Variants in CTNNA2 observed in about 807,000 individuals in gnomAD.
CTNNA2 encodes catenin alpha 2, also known as catenin alpha-2.
CTNNA2 carries 42 observed loss-of-function variants against 101.0 expected under a neutral mutation model. That is an observed-to-expected ratio of 0.42 (90% confidence interval 0.32 to 0.54). CTNNA2 has a LOEUF of 0.54. Ranked by LOEUF, CTNNA2 falls within the 20% of genes least tolerant of loss-of-function variation. The pLI, the probability that CTNNA2 is intolerant of heterozygous loss-of-function variation, is 0.14. For missense variants in CTNNA2, 871 were observed against 1,223.1 expected, an observed-to-expected ratio of 0.71 and a Z score of 4.29; for synonymous variants, 450 against 456.4, an observed-to-expected ratio of 0.99 and a Z score of 0.18.
chr2:80,329,202 T>A (rs1671096523), intron 7 of CTNNA2, among the ~76,000 whole-genome samples: 1 of 152,220 alleles, frequency 6.6e-6, no homozygotes, highest in Non-Finnish European at 1.5e-5. Context: ...TTTATTTGAT[T>A]GGTATTTGCT....
chr2:80,619,161 T>A lies in CTNNA2; in HGVS notation c.2507T>A (p.Leu836His). The change falls in exon 18 of 19, where the codon CTT (leucine) becomes CAT (histidine). Residue 836 changes from leucine to histidine, a missense_variant. By Grantham distance (99) the Leu-to-His change is moderately conservative. Coordinates refer to ENST00000402739, the MANE Select transcript of CTNNA2 (RefSeq NM_001282597.3). ...ATAGATGGGGGCAGGGCTAGTCAAC[T>A]TTCTACCCACCTCCCAACCTGTGCT... ...DVIDGGRASQ[L>H]STHLPTCAEG... The A allele has an allele frequency of 6.3e-7, 1 of 1,576,774 alleles. No individual in the cohort carries two copies. Among genetic ancestry groups the A allele is most frequent in the Non-Finnish European group, 8.6e-7 (1 of 1,160,490 alleles).
At position 79,613,580 on chromosome 2, in the gene CTNNA2, C is replaced by T. The variant is rs181404796; in HGVS notation, c.-5-37972C>T. Among the ~76,000 whole-genome samples the T allele has an allele frequency of 2.0e-3, 305 of 152,068 alleles. 3 individuals are homozygous for T. Among genetic ancestry groups the T allele is most frequent in the African/African-American group, 6.9e-3 (285 of 41,468 alleles). On this transcript the variant is annotated intron_variant, in intron 1 of 18. Transcript: ENST00000402739. ...TTCAACTACTTTAGATAATTGAAGA[C>T]GAAATGATAGAGAAGGATAGACTAT...
rs761867984 is a variant in CTNNA2 at position 80,282,390 on chromosome 2, A to G, written c.1057-110821A>G. ...TTGATGGCCCTTGGCAAAAAATATGACAATGTAGGCCTCTCAAGTGAAATG... is the reference window on the plus strand; with the variant it reads ...TTGATGGCCCTTGGCAAAAAATATGGCAATGTAGGCCTCTCAAGTGAAATG... On this transcript the variant is annotated intron_variant, in intron 7 of 18. Coordinates refer to ENST00000402739, the MANE Select transcript of CTNNA2 (RefSeq NM_001282597.3). Among the ~76,000 whole-genome samples the G allele has an allele frequency of 4.9e-4, 74 of 152,206 alleles. 1 individual carries two copies. Among genetic ancestry groups the G allele is most frequent in the Middle Eastern group, 3.4e-3 (1 of 292 alleles).
At chr2:79,997,030 C>T (rs568152879) in intron 7 of CTNNA2, among the ~76,000 whole-genome samples, 30 of 152,010 alleles carry the variant, frequency 2.0e-4, no homozygotes, top group South Asian at 4.2e-4. Context: ...GGTCAAAATC[C>T]GCCCAGCAAA....
chr2:80,266,188 A>T lies in CTNNA2; in HGVS notation c.1057-127023A>T, dbSNP rs538410312. 9.2e-5 allele frequency among the ~76,000 whole-genome samples: 14 copies of T among 152,312 alleles called. No homozygotes were observed. The South Asian group carries it at 2.7e-3, about 29-fold the overall frequency. Reference sequence around the variant, plus strand: ...CCTTAAGAGTAGAGTCTGTCCTGGGAGTAGACTAGGTAATTCCCCAAACGT... The same window carrying T: ...CCTTAAGAGTAGAGTCTGTCCTGGGTGTAGACTAGGTAATTCCCCAAACGT... On this transcript the variant is annotated intron_variant, in intron 7 of 18. Transcript: ENST00000402739.
chr2:80,172,077 C>A lies in CTNNA2; in HGVS notation c.1057-221134C>A, dbSNP rs2148964246. Among the ~76,000 whole-genome samples, 2 of 152,264 alleles carry A rather than the reference C, an allele frequency of 1.3e-5. 1 individual carries two copies. The highest frequency in any genetic ancestry group is 4.1e-4 in the South Asian group (2 of 4,824). On this transcript the variant is annotated intron_variant, in intron 7 of 18. Coordinates refer to ENST00000402739, the MANE Select transcript of CTNNA2 (RefSeq NM_001282597.3). ...AGGCAAGCCTAGCAGGATCAGACCC[C>A]ACAAAGATCATGACAGGGAGCGGTT...
chr2:80,114,632 G>A (rs1409671448), intron 7 of CTNNA2, among the ~76,000 whole-genome samples: 1 of 152,214 alleles, frequency 6.6e-6, no homozygotes. Flanking sequence ...AGGGAAGAGG[G>A]CACTCACATA....
At chr2:79,455,373 G>A (rs757777888) in intron 4 of CTNNA2, among the ~76,000 whole-genome samples, 10 of 152,088 alleles carry the variant, frequency 6.6e-5, no homozygotes, top group Non-Finnish European at 1.5e-4. Flanking sequence ...TAAGGTCATC[G>A]CAGTTATGCC....
intron 4 of CTNNA2, among the ~76,000 whole-genome samples, chr2:79,415,730 G>T (rs1303246699): frequency 6.6e-6 from 1 of 152,148 alleles, no homozygotes; most frequent in Middle Eastern, 3.4e-3. Context: ...GTATCTGGAA[G>T]CAAAACTGTG....
intron 4 of CTNNA2, among the ~76,000 whole-genome samples, chr2:79,488,079 G>A (rs1459465010): frequency 6.6e-6 from 1 of 151,904 alleles, no homozygotes; most frequent in Non-Finnish European, 1.5e-5. Flanking sequence ...ACTTTGGGAG[G>A]CCCAGCAATC....
At chr2:79,626,709 C>A (rs1441755419) in intron 1 of CTNNA2, among the ~76,000 whole-genome samples, 2 of 149,904 alleles carry the variant, frequency 1.3e-5, no homozygotes, top group Non-Finnish European at 3.0e-5. Flanking sequence ...ATCTGGAAAG[C>A]TAAACAGGGC....
At chr2:79,337,802 A>T (rs1057106925) in intron 3 of CTNNA2, among the ~76,000 whole-genome samples, 1 of 149,122 alleles carries the variant, frequency 6.7e-6, no homozygotes, top group African/African-American at 2.5e-5. Context: ...GGAGAAAAAC[A>T]AAAAAAAAAG....
At chr2:80,490,286 C>CT (rs1553535568) in intron 9 of CTNNA2, among the ~76,000 whole-genome samples, 3 of 88,930 alleles carry the variant, frequency 3.4e-5, no homozygotes, top group South Asian at 4.7e-4. Context: ...CCCCACCCCC[C>CT]CCCCGGTAAA....
At chr2:80,622,671 C>T (rs1007734545) in intron 18 of CTNNA2, among the ~76,000 whole-genome samples, 1 of 151,850 alleles carries the variant, frequency 6.6e-6, no homozygotes, top group African/African-American at 2.4e-5. Flanking sequence ...TTGAAAGCCT[C>T]TCTGTTGCTG....
At chr2:80,179,731 C>T (rs1310094782) in intron 7 of CTNNA2, among the ~76,000 whole-genome samples, 1 of 152,156 alleles carries the variant, frequency 6.6e-6, no homozygotes, top group Non-Finnish European at 1.5e-5. Context: ...CTCTGCAATC[C>T]CTCCAGAGAT....
At chr2:79,917,259 C>T (rs539885813) in intron 7 of CTNNA2, among the ~76,000 whole-genome samples, 30 of 151,636 alleles carry the variant, frequency 2.0e-4, no homozygotes, top group Admixed American at 4.6e-4. Context: ...TTAGTAGAGA[C>T]GGGTTTCAGC....
Position 79,561,462 on chromosome 2 carries a change from G to A in CTNNA2, c.-6+48255G>A, listed in dbSNP as rs10198657. On this transcript the variant is annotated intron_variant, in intron 1 of 18. Transcript: ENST00000402739. The stretch of plus-strand genomic sequence containing the variant: ...GTATAGTCCACCAAGGAGTGGAATC[G>A]TTTAGTTGCATGGTAACGCTAAGTT... Among the ~76,000 whole-genome samples the A allele has an allele frequency of 6.6e-5, 10 of 151,922 alleles. No homozygotes were observed. In the East Asian group the frequency reaches 1.6e-3, roughly 24 times the overall value.
chr2:79,839,407 C>G (rs577446369), intron 3 of CTNNA2, among the ~76,000 whole-genome samples: 20 of 152,008 alleles, frequency 1.3e-4, no homozygotes, highest in African/African-American at 4.1e-4. Flanking sequence ...CTTCTTTTTA[C>G]TTATCTTGTT....
chr2:79,422,914 T>C (rs1678554009), intron 4 of CTNNA2, among the ~76,000 whole-genome samples: 1 of 152,110 alleles, frequency 6.6e-6, no homozygotes, highest in Non-Finnish European at 1.5e-5. Flanking sequence ...GAACTGAGAG[T>C]ACATACTGCA....
Sources: gnomAD v4.1 joint callset for allele counts (sites outside exome capture counted in the v4.1 genomes callset) on GRCh38, gnomAD v4.1.1 for gene constraint, MANE v1.5 for transcripts, NCBI Gene and HGNC (gene_info 2026-07-23, HGNC 2026-07-21) for gene names.